Variants in IGSF21 observed in about 807,000 individuals in gnomAD.
IGSF21 encodes immunoglobulin superfamily member 21.
Under a neutral mutation model 46.8 loss-of-function variants are expected in IGSF21, and 28 were observed. The observed-to-expected ratio is 0.60, with a 90% CI of 0.44 to 0.82. The LOEUF is 0.82. Among genes scored for constraint, IGSF21 ranks in the 40% least tolerant of loss-of-function variants. IGSF21 has a pLI of 0.00. For missense variants in IGSF21, 624 were observed against 665.5 expected, an observed-to-expected ratio of 0.94 and a Z score of 0.69; for synonymous variants, 284 against 273.6, an observed-to-expected ratio of 1.04 and a Z score of -0.38.
At chr1:18,313,759 A>C (rs1374437871) in intron 3 of IGSF21, among the ~76,000 whole-genome samples, 3 of 152,166 alleles carry the variant, frequency 2.0e-5, no homozygotes, top group African/African-American at 7.2e-5. Context: ...TGCTTGCCTG[A>C]GTCCACATAC....
intron 3 of IGSF21, among the ~76,000 whole-genome samples, chr1:18,325,709 C>T (rs567323806): frequency 8.2e-4 from 125 of 152,230 alleles, no homozygotes; most frequent in African/African-American, 2.9e-3. Flanking sequence ...TGTAAGGGAC[C>T]CCACCCCACC....
At chr1:18,261,866 G>A (rs1000636525) in intron 2 of IGSF21, among the ~76,000 whole-genome samples, 8 of 152,206 alleles carry the variant, frequency 5.3e-5, no homozygotes, top group Non-Finnish European at 8.8e-5. Context: ...AGGTGACGTC[G>A]GGAAGTATTG....
At chr1:18,318,966 C>G (rs2085572530) in intron 3 of IGSF21, among the ~76,000 whole-genome samples, 1 of 152,192 alleles carries the variant, frequency 6.6e-6, no homozygotes, top group African/African-American at 2.4e-5. Flanking sequence ...ATGACCTCTT[C>G]CTTCCCTCAC....
intron 2 of IGSF21, among the ~76,000 whole-genome samples, chr1:18,243,340 G>A (rs1324108267): frequency 6.6e-6 from 1 of 152,034 alleles, no homozygotes; most frequent in Non-Finnish European, 1.5e-5. Context: ...AAAATCTAGG[G>A]CGTCTCTCCT....
At chr1:18,292,983 A>C (rs567980764) in intron 3 of IGSF21, among the ~76,000 whole-genome samples, 1 of 152,344 alleles carries the variant, frequency 6.6e-6, no homozygotes, top group South Asian at 2.1e-4. Flanking sequence ...ACCGTGCTGC[A>C]TCGGGTACCG....
In IGSF21 at chr1:18,182,238, G is replaced by A. The variant is rs12038584; in HGVS notation, c.71-45660G>A. Among the ~76,000 whole-genome samples, 41 of 146,728 alleles carry A rather than the reference G, an allele frequency of 2.8e-4. 1 individual carries two copies. The East Asian group carries it at 6.4e-3, about 23-fold the overall frequency. Reference sequence around the variant, plus strand: ...GTTGCACAGGCTGGAGTGCAGTGGCGTGATCTCGGCTCACTACAACCTCCA... The same window carrying A: ...GTTGCACAGGCTGGAGTGCAGTGGCATGATCTCGGCTCACTACAACCTCCA... On this transcript the variant is annotated intron_variant, in intron 1 of 9. Transcript: ENST00000251296.
At chr1:18,284,035 G>A (rs1261688685) in intron 2 of IGSF21, among the ~76,000 whole-genome samples, 2 of 152,200 alleles carry the variant, frequency 1.3e-5, no homozygotes, top group Non-Finnish European at 2.9e-5. Context: ...ACACGTTTCA[G>A]AAATTTAGAA....
chr1:18,347,102 C>G (rs1035691048), intron 4 of IGSF21, among the ~76,000 whole-genome samples: 1 of 152,174 alleles, frequency 6.6e-6, no homozygotes, highest in African/African-American at 2.4e-5. Context: ...CGGTCACTTC[C>G]CAGCATCAGC....
At chr1:18,359,379 A>AATGG (rs1557659597) in intron 4 of IGSF21, among the ~76,000 whole-genome samples, 2 of 82,320 alleles carry the variant, frequency 2.4e-5, no homozygotes, top group African/African-American at 1.0e-4. Context: ...AGAAAGAAAG[A>AATGG]AAGAAAGGAA....
At chr1:18,289,999 C>G (rs1363258311) in intron 2 of IGSF21, among the ~76,000 whole-genome samples, 1 of 152,168 alleles carries the variant, frequency 6.6e-6, no homozygotes, top group Non-Finnish European at 1.5e-5. Flanking sequence ...GATGGAAGCT[C>G]TGATCCCAAG....
intron 2 of IGSF21, among the ~76,000 whole-genome samples, chr1:18,231,755 ACCTGCTGTAGAACATTGAGATTTT>A (rs2084627747): frequency 6.6e-6 from 1 of 152,180 alleles, no homozygotes; most frequent in South Asian, 2.1e-4. Flanking sequence ...TCACTGGATA[ACCTGCTGTAGAACATTGAGATTTT>A]CTTTTGCAGC....
At chr1:18,238,378 A>G (rs1274992695) in intron 2 of IGSF21, among the ~76,000 whole-genome samples, 1 of 152,168 alleles carries the variant, frequency 6.6e-6, no homozygotes, top group Non-Finnish European at 1.5e-5. Flanking sequence ...TCCAGACACC[A>G]CAGCTCAGTC....
chr1:18,152,610 G>C (rs1426889234), intron 1 of IGSF21, among the ~76,000 whole-genome samples: 1 of 152,166 alleles, frequency 6.6e-6, no homozygotes, highest in African/African-American at 2.4e-5. Flanking sequence ...TTGGGACCTA[G>C]TAACTGGTGT....
At chr1:18,153,518 A>G (rs9662795) in intron 1 of IGSF21, among the ~76,000 whole-genome samples, 17,790 of 152,218 alleles carry the variant, frequency 0.12, 1,153 homozygotes, top group Middle Eastern at 0.21. Context: ...GGCAGGAAGA[A>G]CAAGGCACAG....
chr1:18,186,663 T>C (rs934475569), intron 1 of IGSF21, among the ~76,000 whole-genome samples: 1 of 152,240 alleles, frequency 6.6e-6, no homozygotes, highest in Admixed American at 6.5e-5. Flanking sequence ...CCCAATTCTT[T>C]GTTGGCTTCC....
intron 4 of IGSF21, among the ~76,000 whole-genome samples, chr1:18,355,832 T>C (rs1407324516): frequency 1.6e-5 from 1 of 60,616 alleles, no homozygotes; most frequent in African/African-American, 1.3e-4. Flanking sequence ...CTAGACTCTT[T>C]TTTTTTTTTT....
In IGSF21 at chr1:18,337,334, G is replaced by A. The variant is rs939403300; in HGVS notation, c.424+2324G>A. ...GATGCTTCCCTCCTAGGGTGGCTGT[G>A]AGGCTTAAAGTAGATAAAGTTTGCA... On this transcript the variant is annotated intron_variant, in intron 4 of 9. Coordinates refer to ENST00000251296, the MANE Select transcript of IGSF21 (RefSeq NM_032880.5). The surrounding 1 kb of genome is among the most constrained non-coding windows in gnomAD (Gnocchi z 5.7). 3.3e-5 allele frequency among the ~76,000 whole-genome samples: 5 copies of A among 152,176 alleles called. No individual in the cohort carries two copies. The highest frequency in any genetic ancestry group is 6.5e-5 in the Admixed American group (1 of 15,290).
intron 3 of IGSF21, among the ~76,000 whole-genome samples, chr1:18,299,167 C>G (rs995928062): frequency 2.0e-5 from 3 of 152,090 alleles, no homozygotes; most frequent in African/African-American, 7.2e-5. Context: ...GGTCAGAGGG[C>G]CCCATGTGTG....
chr1:18,263,649 CCTT>C (rs1485159215), intron 2 of IGSF21, among the ~76,000 whole-genome samples: 1 of 152,146 alleles, frequency 6.6e-6, no homozygotes, highest in Admixed American at 6.5e-5. Context: ...CCCAGAGCAA[CCTT>C]CTCTGGCAGC....
Sources: gnomAD v4.1 joint callset for allele counts (sites outside exome capture counted in the v4.1 genomes callset) on GRCh38, gnomAD v4.1.1 for gene constraint, Gnocchi (gnomAD v3.1) non-coding constraint, MANE v1.5 for transcripts, NCBI Gene and HGNC (gene_info 2026-07-23, HGNC 2026-07-21) for gene names.